Variants in AP1G1 observed in about 807,000 individuals in gnomAD.
AP1G1 encodes the protein AP-1 complex subunit gamma-1.
AP1G1 carries 7 observed loss-of-function variants against 108.3 expected under a neutral mutation model. That is an observed-to-expected ratio of 0.06 (90% CI 0.04 to 0.12). The LOEUF (loss-of-function observed/expected upper bound fraction) is 0.12, where lower values mean the gene tolerates loss of function less well. AP1G1 is among the 10% of genes least tolerant of loss of function. The probability of loss-of-function intolerance (pLI) is 1.00; values close to 1 mark genes in which losing one functional copy is unlikely to be tolerated. For synonymous variants in AP1G1, 379 were observed against 353.5 expected, an observed-to-expected ratio of 1.07 and a Z score of -0.81; for missense variants, 756 against 1,010.7, an observed-to-expected ratio of 0.75 and a Z score of 3.42.
chr16:71,766,154 G>C (rs1476995511), intron 6 of AP1G1, among the ~76,000 whole-genome samples: 1 of 152,008 alleles, frequency 6.6e-6, no homozygotes, highest in African/African-American at 2.4e-5. Context: ...TAATCAAATG[G>C]AAGACACATG....
chr16:71,753,672 C>A, intron 13 of AP1G1, 161 bp downstream of exon 13: 1 of 692,926 alleles, frequency 1.4e-6, no homozygotes. Context: ...TATATTCCTC[C>A]ATGCTGCTTT....
intron 1 of AP1G1, among the ~76,000 whole-genome samples, chr16:71,792,143 G>A (rs1000833190): frequency 2.0e-5 from 3 of 152,096 alleles, no homozygotes; most frequent in African/African-American, 7.2e-5. Flanking sequence ...ATAAACTAGA[G>A]ACGTGAACTA....
At chr16:71,764,836 C>A in intron 7 of AP1G1, 110 bp from the exon 8 acceptor site, 1 of 665,422 alleles carries the variant, frequency 1.5e-6, no homozygotes, top group Admixed American at 3.3e-5. Context: ...CATTTGGAAC[C>A]ATTTATTCAT....
intron 1 of AP1G1, among the ~76,000 whole-genome samples, chr16:71,791,186 A>G (rs907864365): frequency 1.3e-5 from 2 of 151,708 alleles, no homozygotes; most frequent in African/African-American, 4.8e-5. Context: ...CACCACTGCA[A>G]TCCAGCCTGG....
chr16:71,748,137 TTCTC>T (rs1339832655), intron 16 of AP1G1, 110 bp downstream of exon 16: 8 of 1,082,630 alleles, frequency 7.4e-6, no homozygotes, highest in South Asian at 1.5e-5. Context: ...TGTGTTATTA[TTCTC>T]TCTACTTTTG....
In AP1G1 at chr16:71,758,758, C is replaced by T. The variant is rs763645833; in HGVS notation, c.1088+50G>A. ...CGGCATAGAGCTATCAATAATCTGT[C>T]ACTCAATTTACCAAAAACACTAGAC... is the stretch of plus-strand genomic sequence containing the variant. On this transcript the variant is annotated intron_variant, in intron 11 of 22. Transcript: ENST00000299980. The T allele has an allele frequency of 2.3e-5, 25 of 1,092,828 alleles. No homozygotes were observed. In the East Asian group the frequency reaches 5.7e-4, roughly 25 times the overall value. The allele number at this position is 1,092,828 out of a possible 1,614,324, so 67.7% of individuals were successfully genotyped here.
chr16:71,807,346 T>C (rs1181495553), intron 1 of AP1G1, among the ~76,000 whole-genome samples: 4 of 152,164 alleles, frequency 2.6e-5, no homozygotes, highest in African/African-American at 2.4e-5. Flanking sequence ...GCAGGAGAAC[T>C]GCTTGAACCC....
chr16:71,786,321 C>T (rs1012623363), intron 2 of AP1G1, among the ~76,000 whole-genome samples: 1 of 152,050 alleles, frequency 6.6e-6, no homozygotes, highest in Admixed American at 6.6e-5. Context: ...TACTCTGATT[C>T]CAAATTCAAG....
chr16:71,804,004 G>T (rs1424301098), intron 1 of AP1G1, among the ~76,000 whole-genome samples: 1 of 151,036 alleles, frequency 6.6e-6, no homozygotes, highest in Admixed American at 6.6e-5. Flanking sequence ...ATACAAAAAG[G>T]CAACTGTAAA....
chr16:71,806,684 A>G, intron 1 of AP1G1: 1 of 1,286,524 alleles, frequency 7.8e-7, no homozygotes, highest in Non-Finnish European at 1.0e-6. Flanking sequence ...GGGCATACTT[A>G]CTAAATGAGT....
intron 2 of AP1G1, among the ~76,000 whole-genome samples, chr16:71,783,664 T>C (rs1289496930): frequency 6.6e-6 from 1 of 152,094 alleles, no homozygotes; most frequent in Non-Finnish European, 1.5e-5. Context: ...ACACAGGTAA[T>C]TGGGTATGGC....
chr16:71,748,172 T>G, intron 16 of AP1G1, 79 bp downstream of exon 16: 1 of 1,491,744 alleles, frequency 6.7e-7, no homozygotes, highest in Non-Finnish European at 9.1e-7. Flanking sequence ...AAATTTTCCA[T>G]GATAACAAGT....
At chr16:71,774,374 A>T in intron 3 of AP1G1, 94 bp downstream of exon 3, 1 of 1,419,242 alleles carries the variant, frequency 7.0e-7, no homozygotes, top group Non-Finnish European at 9.6e-7. Flanking sequence ...ACTTCACTCC[A>T]GCCTGGGCAA....
intron 1 of AP1G1, among the ~76,000 whole-genome samples, chr16:71,798,174 G>A (rs563333683): frequency 1.3e-3 from 201 of 152,260 alleles, no homozygotes; most frequent in Non-Finnish European, 2.5e-3. Flanking sequence ...GGCTGGGTGC[G>A]GTGGCTCACG....
Position 71,730,304 on chromosome 16 carries a change from G to A in AP1G1, c.*2754C>T, listed in dbSNP as rs75970052. 9.2e-5 allele frequency: 14 copies of A among 152,478 alleles called. No homozygotes were observed. In the East Asian group the frequency reaches 1.9e-3, roughly 21 times the overall value. 9.4% of individuals were successfully genotyped at this position (152,478 alleles called of 1,614,324 possible). A position where few individuals can be genotyped will look rare whatever the true frequency, so the allele number is the denominator to read the frequency against. On this transcript the variant is annotated 3_prime_UTR_variant, in exon 23 of 23. Coordinates refer to ENST00000299980, the MANE Select transcript of AP1G1 (RefSeq NM_001128.6). Reference sequence around the variant, plus strand: ...AATTAATTCTCCTTTAGGATTCCCCGGGATGGGGCAGAAACTAGAATAGAA... The same window carrying A: ...AATTAATTCTCCTTTAGGATTCCCCAGGATGGGGCAGAAACTAGAATAGAA...
intron 6 of AP1G1, chr16:71,769,385 G>A (rs1007854773): frequency 8.6e-6 from 4 of 463,998 alleles, no homozygotes; most frequent in Admixed American, 3.3e-5. Flanking sequence ...CATGAGATTG[G>A]TGTGTCTGCC....
intron 11 of AP1G1, among the ~76,000 whole-genome samples, chr16:71,757,637 T>A (rs902384777): frequency 6.6e-6 from 1 of 152,172 alleles, no homozygotes; most frequent in Non-Finnish European, 1.5e-5. Flanking sequence ...TATGAGGCAA[T>A]TGAGGCACTG....
Position 71,771,255 on chromosome 16 carries a change from AT to A in AP1G1, c.469-4del. On this transcript the variant is annotated splice_region_variant and splice_polypyrimidine_tract_variant and intron_variant, in intron 4 of 22. Transcript: ENST00000299980. ...ACATGAACAGCACACAGTGCTGCCT[AT>A]GAAAAAAAAAATAAAAGAACAAAAG... 3 of 1,501,554 alleles carry A rather than the reference AT, an allele frequency of 2.0e-6. No homozygotes were observed. The highest frequency in any genetic ancestry group is 2.5e-5 in the South Asian group (2 of 78,960). The allele number at this position is 1,501,554 out of a possible 1,614,324, so 93.0% of individuals were successfully genotyped here.
chr16:71,801,542 G>A (rs949320677), intron 1 of AP1G1, among the ~76,000 whole-genome samples: 1 of 152,048 alleles, frequency 6.6e-6, no homozygotes, highest in African/African-American at 2.4e-5. Flanking sequence ...AACACTACAG[G>A]GTAAACACTA....
Sources: allele counts gnomAD v4.1 joint callset (sites outside exome capture counted in the v4.1 genomes callset), GRCh38; gene constraint gnomAD v4.1.1; transcripts MANE v1.5; gene names NCBI Gene and HGNC (gene_info 2026-07-23, HGNC 2026-07-21).